Variants in GJC2 observed in about 807,000 individuals in gnomAD.
GJC2 encodes gap junction protein gamma 2, also known as gap junction gamma-2 protein.
For synonymous variants in GJC2, 336 were observed against 307.5 expected, an observed-to-expected ratio of 1.09 and a Z score of -0.97; for missense variants, 647 against 648.9, an observed-to-expected ratio of 1.00 and a Z score of 0.03.
Position 228,159,184 on chromosome 1 carries a change from C to A in GJC2, c.*106C>A. On this transcript the variant is annotated 3_prime_UTR_variant, in exon 2 of 2. Coordinates refer to ENST00000366714, the MANE Select transcript of GJC2 (RefSeq NM_020435.4). This position sits in a 1 kb window ranked among gnomAD's most constrained non-coding sequence, Gnocchi z 4.0. The stretch of plus-strand genomic sequence containing the variant: ...CTTCTCCTTAGCCGGTGGCCTCAGG[C>A]AGACTCTGCCCAGAGGGGCAGCCAG... The A allele has an allele frequency of 7.5e-7, 1 of 1,327,518 alleles. No homozygotes were observed. Among genetic ancestry groups the A allele is most frequent in the Non-Finnish European group, 1.1e-6 (1 of 949,898 alleles). 82.2% of individuals were successfully genotyped at this position (1,327,518 alleles called of 1,614,324 possible). A position where few individuals can be genotyped will look rare whatever the true frequency, so the allele number is the denominator to read the frequency against.
chr1:228,157,740 G>GCCCCCC lies in GJC2; in HGVS notation c.-19_-18insCCCCCC. The GCCCCCC allele has an allele frequency of 3.0e-6, 2 of 662,262 alleles. No homozygotes were observed. The highest frequency in any genetic ancestry group is 5.3e-6 in the Non-Finnish European group (2 of 378,506). 41.0% of individuals were successfully genotyped at this position (662,262 alleles called of 1,614,324 possible). A position where few individuals can be genotyped will look rare whatever the true frequency, so the allele number is the denominator to read the frequency against. ...GGCTGACCCCTACCCCGCCCCACAG[G>GCCCCCC]ACCCGCCCGCCCGCCCCTATGACCA... is the stretch of plus-strand genomic sequence containing the variant. On this transcript the variant is annotated splice_region_variant and 5_prime_UTR_variant, in exon 2 of 2. Coordinates refer to ENST00000366714, the MANE Select transcript of GJC2 (RefSeq NM_020435.4).
rs375318012 is a variant in GJC2, at chr1:228,158,333, C to T, written c.575C>T (p.Pro192Leu). Residue 192 changes from proline (P) to leucine (L), a missense_variant, in exon 2 of 2, where the codon CCG (proline) becomes CTG (leucine). Transcript: ENST00000366714. The surrounding 1 kb of genome is among the most constrained non-coding windows in gnomAD (Gnocchi z 8.3). ...VGADGKAAGTPGPTGQHDGRR... is the reference protein window; with the variant it reads ...VGADGKAAGTLGPTGQHDGRR... ...GCTGACGGCAAGGCGGCAGGGACCC[C>T]GGGCCCGACCGGGCAACACGATGGG... 2 of 1,564,994 alleles carry T rather than the reference C, an allele frequency of 1.3e-6. No individual in the cohort carries two copies. Among genetic ancestry groups the T allele is most frequent in the Non-Finnish European group, 8.6e-7 (1 of 1,159,096 alleles).
rs771478162 is a variant in GJC2 at position 228,159,108 on chromosome 1, G to A, written c.*30G>A. On this transcript the variant is annotated 3_prime_UTR_variant, in exon 2 of 2. Transcript: ENST00000366714. The surrounding 1 kb of genome is among the most constrained non-coding windows in gnomAD (Gnocchi z 4.0). Reference sequence around the variant, plus strand: ...GCTGGCTTGCGAGCTGGGCCAGGGAGGAGGAGGGTTGGGGGGCTCCGGTGG... The same window carrying A: ...GCTGGCTTGCGAGCTGGGCCAGGGAAGAGGAGGGTTGGGGGGCTCCGGTGG... 6.2e-7 allele frequency: 1 copy of A among 1,608,550 alleles called. No homozygotes were observed. Among genetic ancestry groups the A allele is most frequent in the South Asian group, 1.1e-5 (1 of 90,838 alleles).
At chr1:228,154,409 T>G (rs1333166836) in intron 1 of GJC2, among the ~76,000 whole-genome samples, 2 of 152,198 alleles carry the variant, frequency 1.3e-5, no homozygotes, top group African/African-American at 4.8e-5. Context: ...TGACGTGACC[T>G]TCCCATGAGA....
rs1359291468 is a variant in GJC2, at chr1:228,158,455, C to G, written c.697C>G (p.Leu233Val). 5 of 1,610,888 alleles carry G rather than the reference C, an allele frequency of 3.1e-6. No homozygotes were observed. The highest frequency in any genetic ancestry group is 3.4e-6 in the Non-Finnish European group (4 of 1,179,600). The change falls in exon 2 of 2, where the codon CTG becomes GTG. Residue 233 changes from leucine (L) to valine (V), a missense_variant. Leu to Val is a conservative substitution (Grantham distance 32). Transcript: ENST00000366714. The surrounding 1 kb of genome is among the most constrained non-coding windows in gnomAD (Gnocchi z 8.3). The stretch of plus-strand genomic sequence containing the variant: ...GGTGGCCTTCCTGGTGGGCCAGTAC[C>G]TGCTGTACGGCTTCGAGGTGCGACC... ...FEVAFLVGQYLLYGFEVRPFF... is the reference protein window; with the variant it reads ...FEVAFLVGQYVLYGFEVRPFF...
rs1482452702 is a variant in GJC2 at position 228,151,215 on chromosome 1, C to T, written c.-20+1208C>T. On this transcript the variant is annotated intron_variant, in intron 1 of 1. Coordinates refer to ENST00000366714, the MANE Select transcript of GJC2 (RefSeq NM_020435.4). This position sits in a 1 kb window ranked among gnomAD's most constrained non-coding sequence, Gnocchi z 5.4. ...GGAGGAGGCACCAGCCTGGATGCTG[C>T]CTTGCCACCTGCACGTGTGCACGGC... 6.6e-6 allele frequency among the ~76,000 whole-genome samples: 1 copy of T among 152,114 alleles called. No homozygotes were observed. The highest frequency in any genetic ancestry group is 1.5e-5 in the Non-Finnish European group (1 of 67,984).
In GJC2 at chr1:228,157,740, G is replaced by GGGGGGGGGGGGGGGGGGGGGGGGGGC; in HGVS notation, c.-19_-18insGGGGGGGGGGGGGGGGGGGGGGGGGC. On this transcript the variant is annotated splice_region_variant and 5_prime_UTR_variant, in exon 2 of 2. Transcript: ENST00000366714. The stretch of plus-strand genomic sequence containing the variant: ...GGCTGACCCCTACCCCGCCCCACAG[G>GGGGGGGGGGGGGGGGGGGGGGGGGGC]ACCCGCCCGCCCGCCCCTATGACCA... The GGGGGGGGGGGGGGGGGGGGGGGGGGC allele has an allele frequency of 3.0e-6, 2 of 662,262 alleles. No homozygotes were observed. 41.0% of individuals were successfully genotyped at this position (662,262 alleles called of 1,614,324 possible).
rs1311596501 is a variant in GJC2 at position 228,151,542 on chromosome 1, G to A, written c.-20+1535G>A. 6.6e-6 allele frequency among the ~76,000 whole-genome samples: 1 copy of A among 152,116 alleles called. No individual in the cohort carries two copies. The highest frequency in any genetic ancestry group is 1.5e-5 in the Non-Finnish European group (1 of 68,010). On this transcript the variant is annotated intron_variant, in intron 1 of 1. Coordinates refer to ENST00000366714, the MANE Select transcript of GJC2 (RefSeq NM_020435.4). The surrounding 1 kb of genome is among the most constrained non-coding windows in gnomAD (Gnocchi z 5.4). ...GTGTGAGAGTGAGTGTGTGAGCCCA[G>A]CTCCATGTTGAGCTCGAGCAGCAGT...
At position 228,152,272 on chromosome 1, in the gene GJC2, T is replaced by A. The variant is rs1314579066; in HGVS notation, c.-20+2265T>A. The stretch of plus-strand genomic sequence containing the variant: ...TGCCTGTCTGGTGGCTGCCCTAAAC[T>A]GCAGAAAACACCCACCCTTCGCGGC... On this transcript the variant is annotated intron_variant, in intron 1 of 1. Transcript: ENST00000366714. The surrounding 1 kb of genome is among the most constrained non-coding windows in gnomAD (Gnocchi z 7.3). Among the ~76,000 whole-genome samples, 1 of 151,946 alleles carries A rather than the reference T, an allele frequency of 6.6e-6. No homozygotes were observed. Among genetic ancestry groups the A allele is most frequent in the Admixed American group, 6.5e-5 (1 of 15,276 alleles).
chr1:228,157,246 T>C (rs746155509), intron 1 of GJC2, among the ~76,000 whole-genome samples: 15 of 150,138 alleles, frequency 1.0e-4, no homozygotes, highest in Non-Finnish European at 1.5e-4. Flanking sequence ...TGGTGGCACT[T>C]TGGGGTCTGG....
intron 1 of GJC2, among the ~76,000 whole-genome samples, chr1:228,157,181 T>C (rs576191602): frequency 6.7e-6 from 1 of 148,728 alleles, no homozygotes; most frequent in African/African-American, 2.6e-5. Flanking sequence ...GTCCAGGGTG[T>C]GGAGGGAGGC....
In GJC2 at chr1:228,158,516, T is replaced by G; in HGVS notation, c.758T>G (p.Val253Gly). 1 of 1,612,834 alleles carries G rather than the reference T, an allele frequency of 6.2e-7. No individual in the cohort carries two copies. The highest frequency in any genetic ancestry group is 8.5e-7 in the Non-Finnish European group (1 of 1,179,642). ...TGCAGCCGCCAGCCCTGCCCGCACGTGGTGGACTGCTTCGTGTCGCGCCCT... is the reference window on the plus strand; with the variant it reads ...TGCAGCCGCCAGCCCTGCCCGCACGGGGTGGACTGCTTCGTGTCGCGCCCT... ...FPCSRQPCPH[V>G]VDCFVSRPTE... The change falls in exon 2 of 2, where the codon GTG (valine) becomes GGG (glycine). Residue 253 changes from valine to glycine, a missense_variant. Transcript: ENST00000366714. The surrounding 1 kb of genome is among the most constrained non-coding windows in gnomAD (Gnocchi z 8.3).
chr1:228,153,524 G>T (rs1446378662), intron 1 of GJC2, among the ~76,000 whole-genome samples: 1 of 150,746 alleles, frequency 6.6e-6, no homozygotes, highest in Admixed American at 6.6e-5. Flanking sequence ...GTAGCTAGAA[G>T]TACAAGCGCA....
chr1:228,159,111 G>A lies in GJC2; in HGVS notation c.*33G>A. 6.2e-7 allele frequency: 1 copy of A among 1,606,928 alleles called. No homozygotes were observed. Among genetic ancestry groups the A allele is most frequent in the South Asian group, 1.1e-5 (1 of 90,800 alleles). On this transcript the variant is annotated 3_prime_UTR_variant, in exon 2 of 2. Coordinates refer to ENST00000366714, the MANE Select transcript of GJC2 (RefSeq NM_020435.4). This position sits in a 1 kb window ranked among gnomAD's most constrained non-coding sequence, Gnocchi z 4.0. ...GGCTTGCGAGCTGGGCCAGGGAGGA[G>A]GAGGGTTGGGGGGCTCCGGTGGAAA...
In GJC2 at chr1:228,158,676, C is replaced by T; in HGVS notation, c.918C>T (p.Ala306=). The T allele has an allele frequency of 8.2e-7, 1 of 1,213,980 alleles. No individual in the cohort carries two copies. The allele number at this position is 1,213,980 out of a possible 1,614,324, so 75.2% of individuals were successfully genotyped here. Residue 306 remains alanine (A), a synonymous_variant, in exon 2 of 2, where the codon GCC becomes GCT. Coordinates refer to ENST00000366714, the MANE Select transcript of GJC2 (RefSeq NM_020435.4). The surrounding 1 kb of genome is among the most constrained non-coding windows in gnomAD (Gnocchi z 8.3). ...DAVRGRRGPP[A]SAPAPAPRPP... is the part of the protein sequence containing the mutation. ...TGCGCGGCCGCCGCGGCCCCCCGGC[C>T]TCCGCCCCCGCCCCCGCGCCGCGGC...
Position 228,158,029 on chromosome 1 carries a change from T to A in GJC2, c.271T>A (p.Ser91Thr), listed in dbSNP as rs1325957958. The change falls in exon 2 of 2, where the codon TCG (serine) becomes ACG (threonine). Residue 91 changes from serine (S) to threonine (T), a missense_variant. Coordinates refer to ENST00000366714, the MANE Select transcript of GJC2 (RefSeq NM_020435.4). The surrounding 1 kb of genome is among the most constrained non-coding windows in gnomAD (Gnocchi z 8.3). ...CCAGATTGTGGTCATCTCCACGCCC[T>A]CGGTCATGTACCTGGGCTACGCCGT... ...VFQIVVISTP[S>T]VMYLGYAVHR... 6.2e-7 allele frequency: 1 copy of A among 1,610,908 alleles called. No individual in the cohort carries two copies. Among genetic ancestry groups the A allele is most frequent in the East Asian group, 2.2e-5 (1 of 44,862 alleles).
At chr1:228,154,757 A>T (rs533174403) in intron 1 of GJC2, among the ~76,000 whole-genome samples, 1 of 152,340 alleles carries the variant, frequency 6.6e-6, no homozygotes, top group East Asian at 1.9e-4. Flanking sequence ...GCTCAGAGGG[A>T]TCCAGTCTCA....
rs947739315 is a variant in GJC2 at position 228,149,942 on chromosome 1, G to T, written c.-85G>T. 6.5e-6 allele frequency: 1 copy of T among 152,700 alleles called. No individual in the cohort carries two copies. The highest frequency in any genetic ancestry group is 1.5e-5 in the Non-Finnish European group (1 of 68,328). The allele number at this position is 152,700 out of a possible 1,614,324, so 9.5% of individuals were successfully genotyped here. A position where few individuals can be genotyped will look rare whatever the true frequency, so the allele number is the denominator to read the frequency against. On this transcript the variant is annotated 5_prime_UTR_variant, in exon 1 of 2. Transcript: ENST00000366714. ...CCCTGGCTCGGCCACACACCCTCGG[G>T]GAGGACCAGCATCCAAGCAGGTGGA...
Position 228,157,823 on chromosome 1 carries a change from T to A in GJC2, c.65T>A (p.Phe22Tyr). The A allele has an allele frequency of 6.8e-7, 1 of 1,478,196 alleles. No individual in the cohort carries two copies. Among genetic ancestry groups the A allele is most frequent in the Non-Finnish European group, 9.1e-7 (1 of 1,104,002 alleles). The allele number at this position is 1,478,196 out of a possible 1,614,324, so 91.6% of individuals were successfully genotyped here. ...LLEEIHNHST[F>Y]VGKVWLTVLV... ...GAGGAGATCCACAACCACTCCACCT[T>A]CGTGGGCAAGGTGTGGCTCACGGTG... The change falls in exon 2 of 2, where the codon TTC becomes TAC. Residue 22 changes from phenylalanine to tyrosine, a missense_variant. Phe to Tyr is a conservative substitution (Grantham distance 22). Coordinates refer to ENST00000366714, the MANE Select transcript of GJC2 (RefSeq NM_020435.4).
Sources: allele counts gnomAD v4.1 joint callset (sites outside exome capture counted in the v4.1 genomes callset), GRCh38; gene constraint gnomAD v4.1.1; non-coding constraint Gnocchi (gnomAD v3.1); transcripts MANE v1.5; gene names NCBI Gene and HGNC (gene_info 2026-07-23, HGNC 2026-07-21).